NMNAT3: variants seen among roughly 807,000 people sequenced by gnomAD.
The protein encoded by NMNAT3 is nicotinamide/nicotinic acid mononucleotide adenylyltransferase 3.
In NMNAT3, 21 loss-of-function variants were observed where a neutral mutation model predicts 24.8. The observed-to-expected ratio is 0.85, with a 90% CI of 0.60 to 1.22. The LOEUF is 1.22. Ranked by LOEUF, NMNAT3 falls within the 50% of genes most tolerant of loss-of-function variation. NMNAT3 has a pLI of 0.00. For synonymous variants in NMNAT3, 136 were observed against 155.2 expected (o/e 0.88, Z 0.92); for missense variants, 387 against 436.6 (o/e 0.89, Z 1.01).
intron 6 of NMNAT3, chr3:139,572,129 G>A (rs185303926): frequency 2.9e-4 from 116 of 398,804 alleles, no homozygotes; most frequent in Middle Eastern, 6.3e-4. Context: ...CCTGTCTCCA[G>A]CTTGAGGTGG....
chr3:139,606,961 T>C (rs2054974742), intron 3 of NMNAT3, among the ~76,000 whole-genome samples: 1 of 152,086 alleles, frequency 6.6e-6, no homozygotes, highest in South Asian at 2.1e-4. Flanking sequence ...AACTGCAAGA[T>C]GTTCAGGCTT....
chr3:139,602,120 G>C (rs1051946197), intron 3 of NMNAT3, among the ~76,000 whole-genome samples: 8 of 152,152 alleles, frequency 5.3e-5, no homozygotes, highest in African/African-American at 1.9e-4. Context: ...TAAATGCTGT[G>C]GTGAAACACA....
chr3:139,598,751 C>A (rs2054585899), intron 3 of NMNAT3, among the ~76,000 whole-genome samples: 1 of 152,106 alleles, frequency 6.6e-6, no homozygotes, highest in Admixed American at 6.5e-5. Flanking sequence ...ATAACTGGAA[C>A]AGGAATGGAG....
intron 5 of NMNAT3, 103 bp from the exon 6 acceptor site, chr3:139,573,783 T>C (rs1938834638): frequency 1.7e-6 from 1 of 584,502 alleles, no homozygotes; most frequent in South Asian, 2.7e-5. Flanking sequence ...TCTACTTTAG[T>C]TCACTCATTC....
intron 1 of NMNAT3, among the ~76,000 whole-genome samples, chr3:139,672,926 C>A (rs539193651): frequency 6.6e-6 from 1 of 152,112 alleles, no homozygotes; most frequent in Non-Finnish European, 1.5e-5. Context: ...TGGTTCCTCA[C>A]GAAGGACTGT....
intron 3 of NMNAT3, among the ~76,000 whole-genome samples, chr3:139,612,544 G>A (rs1351666849): frequency 1.3e-5 from 2 of 152,178 alleles, no homozygotes; most frequent in Non-Finnish European, 2.9e-5. Flanking sequence ...TTGCAGGCAG[G>A]TAGTCTAAAT....
At chr3:139,573,431 A>C (rs969968858) in intron 6 of NMNAT3, among the ~76,000 whole-genome samples, 167 bp downstream of exon 6, 2 of 152,170 alleles carry the variant, frequency 1.3e-5, no homozygotes, top group African/African-American at 4.8e-5. Context: ...TCTAATCTGA[A>C]CTTCAACCTC....
intron 3 of NMNAT3, among the ~76,000 whole-genome samples, chr3:139,591,754 G>A (rs1163878520): frequency 6.6e-6 from 1 of 152,220 alleles, no homozygotes; most frequent in Non-Finnish European, 1.5e-5. Context: ...CTGCAGCTGA[G>A]GGTCCTGTCT....
chr3:139,583,606 CAA>C (rs1391842695), intron 3 of NMNAT3: 1 of 876,634 alleles, frequency 1.1e-6, no homozygotes, highest in Non-Finnish European at 1.9e-6. Context: ...TTCATTCAAA[CAA>C]AAGTTTAACA....
In NMNAT3 at chr3:139,638,020, G is replaced by T. The variant is rs1247096185; in HGVS notation, c.-98C>A. The stretch of plus-strand genomic sequence containing the variant: ...AGCAGATCAGAGTGGGAGCCAGGGA[G>T]CAGCAGTCCGCTTCATGGCAGGATC... On this transcript the variant is annotated 5_prime_UTR_variant, in exon 2 of 7. Coordinates refer to ENST00000643695, the MANE Select transcript of NMNAT3 (RefSeq NM_001320510.2). 1 of 152,198 alleles carries T rather than the reference G, an allele frequency of 6.6e-6. No homozygotes were observed. The highest frequency in any genetic ancestry group is 6.5e-5 in the Admixed American group (1 of 15,274). 9.4% of individuals were successfully genotyped at this position (152,198 alleles called of 1,614,324 possible).
At chr3:139,586,754 C>G (rs570299474) in intron 3 of NMNAT3, among the ~76,000 whole-genome samples, 1 of 151,996 alleles carries the variant, frequency 6.6e-6, no homozygotes, top group Admixed American at 6.6e-5. Flanking sequence ...CCAGAAAACC[C>G]GGGGAATCAG....
At chr3:139,626,771 G>A (rs187428833) in intron 3 of NMNAT3, among the ~76,000 whole-genome samples, 2 of 151,936 alleles carry the variant, frequency 1.3e-5, no homozygotes, top group South Asian at 2.1e-4. Flanking sequence ...ACTAATACTT[G>A]TGCATTATTT....
chr3:139,622,159 A>G (rs1297286532), intron 3 of NMNAT3, among the ~76,000 whole-genome samples: 1 of 152,090 alleles, frequency 6.6e-6, no homozygotes, highest in African/African-American at 2.4e-5. Context: ...ATATCTCCAT[A>G]CTGTTTTTCA....
intron 6 of NMNAT3, among the ~76,000 whole-genome samples, chr3:139,562,858 C>G (rs894295314): frequency 6.6e-6 from 1 of 152,202 alleles, no homozygotes; most frequent in Admixed American, 6.5e-5. Context: ...TTCAAATGCT[C>G]TAGCGGCATA....
intron 3 of NMNAT3, among the ~76,000 whole-genome samples, chr3:139,602,505 T>C (rs1032317942): frequency 2.4e-4 from 36 of 152,248 alleles, no homozygotes; most frequent in Non-Finnish European, 5.9e-5. Context: ...TCTGCATTGA[T>C]GTCATTGACA....
chr3:139,584,700 A>G (rs2053852764), intron 3 of NMNAT3, among the ~76,000 whole-genome samples: 2 of 152,328 alleles, frequency 1.3e-5, no homozygotes, highest in South Asian at 2.1e-4. Context: ...TATTGATTCA[A>G]TCTTGTGAAA....
At chr3:139,573,539 C>T in intron 6 of NMNAT3, 59 bp downstream of exon 6, 1 of 1,032,650 alleles carries the variant, frequency 9.7e-7, no homozygotes, top group Non-Finnish European at 1.4e-6. Context: ...CTACCCCCTT[C>T]AGTTCTCACA....
rs1270156207 is a variant in NMNAT3, at chr3:139,626,789, G to A, written c.109+827C>T. 1.3e-5 allele frequency among the ~76,000 whole-genome samples: 2 copies of A among 151,994 alleles called. 1 individual carries two copies. The highest frequency in any genetic ancestry group is 2.9e-5 in the Non-Finnish European group (2 of 67,976). On this transcript the variant is annotated intron_variant, in intron 3 of 6. Transcript: ENST00000643695. ...AATACTTGTGCATTATTTCTTTGAAGAAATAATTTCCATGTTACTCAAATA... is the reference window on the plus strand; with the variant it reads ...AATACTTGTGCATTATTTCTTTGAAAAAATAATTTCCATGTTACTCAAATA...
At chr3:139,608,100 G>A (rs973801233) in intron 3 of NMNAT3, among the ~76,000 whole-genome samples, 7 of 152,220 alleles carry the variant, frequency 4.6e-5, no homozygotes, top group African/African-American at 1.7e-4. Context: ...GAAGCCAACT[G>A]CTGGTTCTCC....
Sources: allele counts gnomAD v4.1 joint callset (sites outside exome capture counted in the v4.1 genomes callset), GRCh38; gene constraint gnomAD v4.1.1; transcripts MANE v1.5; gene names NCBI Gene and HGNC (gene_info 2026-07-23, HGNC 2026-07-21).